The following DOCK3 variants were observed in gnomAD, a reference collection of about 807,000 sequenced individuals.
DOCK3 encodes dedicator of cytokinesis protein 3.
DOCK3 carries 60 observed loss-of-function variants against 265.6 expected under a neutral mutation model. That is an observed-to-expected ratio of 0.23 (90% CI 0.18 to 0.28). The LOEUF (loss-of-function observed/expected upper bound fraction) is 0.28. Among genes scored for constraint, DOCK3 ranks in the 10% least tolerant of loss-of-function variants. DOCK3 has a pLI of 1.00. For missense variants in DOCK3, 1,981 were observed against 2,594.3 expected, an observed-to-expected ratio of 0.76 and a Z score of 5.14; for synonymous variants, 881 against 938.0, an observed-to-expected ratio of 0.94 and a Z score of 1.11.
chr3:51,228,976 C>T, intron 18 of DOCK3, 144 bp downstream of exon 18: 4 of 1,094,406 alleles, frequency 3.7e-6, no homozygotes, highest in Non-Finnish European at 5.1e-6. Flanking sequence ...TTGAAGCGAT[C>T]ACTCAGCAAT....
intron 7 of DOCK3, among the ~76,000 whole-genome samples, chr3:51,077,573 G>A (rs1434384105): frequency 2.6e-5 from 4 of 152,150 alleles, no homozygotes; most frequent in Non-Finnish European, 5.9e-5. Context: ...TGCCATGTGT[G>A]TTTGTAGATA....
intron 5 of DOCK3, among the ~76,000 whole-genome samples, chr3:51,039,104 T>C (rs2080382162): frequency 6.6e-6 from 1 of 152,064 alleles, no homozygotes; most frequent in Non-Finnish European, 1.5e-5. Flanking sequence ...CAAGGGGTTA[T>C]CCTGCCTCAG....
chr3:51,257,926 A>G lies in DOCK3; in HGVS notation c.2185-2230A>G, dbSNP rs556523239. Among the ~76,000 whole-genome samples, 7 of 152,336 alleles carry G rather than the reference A, an allele frequency of 4.6e-5. No individual in the cohort carries two copies. In the South Asian group the frequency reaches 8.3e-4, roughly 18 times the overall value. On this transcript the variant is annotated intron_variant, in intron 22 of 52. Coordinates refer to ENST00000266037, the MANE Select transcript of DOCK3 (RefSeq NM_004947.5). Reference sequence around the variant, plus strand: ...TCCTGACCAAGATGGTGCTGATCCAAAACTTCAAGAGGAATGGGGAAGAGG... The same window carrying G: ...TCCTGACCAAGATGGTGCTGATCCAGAACTTCAAGAGGAATGGGGAAGAGG...
chr3:50,887,106 A>T (rs2048383361), intron 3 of DOCK3, among the ~76,000 whole-genome samples: 1 of 152,154 alleles, frequency 6.6e-6, no homozygotes, highest in South Asian at 2.1e-4. Context: ...CAAAATTGAT[A>T]GACTGCTAGC....
At chr3:50,709,412 C>T (rs897151181) in intron 1 of DOCK3, among the ~76,000 whole-genome samples, 3 of 152,092 alleles carry the variant, frequency 2.0e-5, no homozygotes, top group Non-Finnish European at 4.4e-5. Flanking sequence ...AATGGCTTTT[C>T]CTCCACTATA....
chr3:50,830,301 C>T (rs773432750), intron 2 of DOCK3, among the ~76,000 whole-genome samples: 4 of 152,120 alleles, frequency 2.6e-5, no homozygotes, highest in Admixed American at 2.6e-4. Context: ...GGTCCTCATG[C>T]AAGTCTTTAC....
intron 10 of DOCK3, among the ~76,000 whole-genome samples, chr3:51,157,476 C>A (rs1316463077): frequency 6.6e-6 from 1 of 152,162 alleles, no homozygotes; most frequent in Admixed American, 6.5e-5. Context: ...GAACTCCTGA[C>A]CTCAAGCGAT....
At chr3:50,880,141 G>A (rs2047945893) in intron 3 of DOCK3, among the ~76,000 whole-genome samples, 1 of 152,166 alleles carries the variant, frequency 6.6e-6, no homozygotes, top group South Asian at 2.1e-4. Context: ...AGTGTGTAGA[G>A]GGAAATTTAT....
At chr3:51,290,913 A>G (rs1262085334) in intron 27 of DOCK3, among the ~76,000 whole-genome samples, 1 of 152,076 alleles carries the variant, frequency 6.6e-6, no homozygotes, top group Non-Finnish European at 1.5e-5. Flanking sequence ...CCCTGTCTCT[A>G]CTAAAAATAC....
At chr3:51,271,093 G>A (rs1391307817) in intron 24 of DOCK3, 86 bp downstream of exon 24, 2 of 1,414,594 alleles carry the variant, frequency 1.4e-6, no homozygotes, top group Non-Finnish European at 9.6e-7. Flanking sequence ...ATAATCAAAG[G>A]ATCAGTTTCC....
intron 1 of DOCK3, among the ~76,000 whole-genome samples, chr3:50,680,679 AT>A (rs879913329): frequency 1.9e-4 from 27 of 144,016 alleles, no homozygotes; most frequent in Non-Finnish European, 1.2e-4. Flanking sequence ...CGAATTTTTA[AT>A]TTTTTTTTTT....
chr3:50,744,105 C>A (rs1477022645), intron 1 of DOCK3, among the ~76,000 whole-genome samples: 1 of 152,084 alleles, frequency 6.6e-6, no homozygotes, highest in Non-Finnish European at 1.5e-5. Context: ...AGTCCTTTGT[C>A]CATTTTGAAT....
intron 2 of DOCK3, chr3:50,787,575 C>G (rs1215121504): frequency 8.4e-6 from 8 of 953,248 alleles, no homozygotes; most frequent in Non-Finnish European, 1.3e-5. Context: ...ACAGGTCACA[C>G]TTAGCTTTCT....
intron 2 of DOCK3, among the ~76,000 whole-genome samples, chr3:50,797,913 G>A (rs1260336579): frequency 6.6e-6 from 1 of 151,962 alleles, no homozygotes; most frequent in African/African-American, 2.4e-5. Flanking sequence ...ATCTAATGAC[G>A]AATTACAGAT....
At chr3:50,989,001 C>G (rs1378922493) in intron 5 of DOCK3, among the ~76,000 whole-genome samples, 1 of 152,130 alleles carries the variant, frequency 6.6e-6, no homozygotes, top group Non-Finnish European at 1.5e-5. Flanking sequence ...AGCAAAGACC[C>G]TATGTGCTTT....
intron 5 of DOCK3, among the ~76,000 whole-genome samples, chr3:50,989,384 A>AG (rs1223035757): frequency 2.0e-5 from 3 of 152,120 alleles, no homozygotes; most frequent in Non-Finnish European, 2.9e-5. Context: ...GCTAGCAGTC[A>AG]GGGGGGAGAG....
intron 35 of DOCK3, among the ~76,000 whole-genome samples, chr3:51,333,485 T>G (rs1185078756): frequency 6.6e-6 from 1 of 152,116 alleles, no homozygotes; most frequent in Admixed American, 6.5e-5. Context: ...TGGGCACATG[T>G]ACCCTGGAGG....
chr3:51,042,525 A>G (rs989776206), intron 5 of DOCK3, among the ~76,000 whole-genome samples: 1 of 152,190 alleles, frequency 6.6e-6, no homozygotes, highest in South Asian at 2.1e-4. Context: ...CCCCTTGAAA[A>G]TGGGCACAAG....
chr3:50,704,529 T>C (rs2036259762), intron 1 of DOCK3, among the ~76,000 whole-genome samples: 1 of 152,228 alleles, frequency 6.6e-6, no homozygotes, highest in Admixed American at 6.5e-5. Flanking sequence ...TTTGTTACTA[T>C]AATTACTCCA....
Sources: allele counts gnomAD v4.1 joint callset (sites outside exome capture counted in the v4.1 genomes callset), GRCh38; gene constraint gnomAD v4.1.1; transcripts MANE v1.5; gene names NCBI Gene and HGNC (gene_info 2026-07-23, HGNC 2026-07-21).